VWA8: variants seen among roughly 807,000 people sequenced by gnomAD.
VWA8 encodes the protein von Willebrand factor A domain containing 8, also known as von Willebrand factor A domain-containing protein 8.
Under a neutral mutation model 241.5 loss-of-function variants are expected in VWA8, and 221 were observed. The observed-to-expected ratio is 0.91, with a 90% CI of 0.82 to 1.02. VWA8 has a LOEUF of 1.02. Ranked by LOEUF, VWA8 falls within the 50% of genes least tolerant of loss-of-function variation. The pLI, the probability that VWA8 is intolerant of heterozygous loss-of-function variation, is 0.00. For missense variants in VWA8, 2,322 were observed against 2,328.7 expected (o/e 1.00, Z 0.06); for synonymous variants, 852 against 827.1 (o/e 1.03, Z -0.52).
chr13:41,568,385 CCCT>C, intron 44 of VWA8, 80 bp from the exon 45 acceptor site: 1 of 1,119,736 alleles, frequency 8.9e-7, no homozygotes, highest in South Asian at 1.3e-5. Flanking sequence ...AACCACAGCC[CCCT>C]AATGGTTTCT....
rs1327652330 is a variant in VWA8, at chr13:41,671,109, G to T, written c.4448C>A (p.Thr1483Asn). 3 of 1,613,922 alleles carry T rather than the reference G, an allele frequency of 1.9e-6. No individual in the cohort carries two copies. Among genetic ancestry groups the T allele is most frequent in the Non-Finnish European group, 2.5e-6 (3 of 1,179,850 alleles). The change falls in exon 37 of 45, where the codon ACC becomes AAC. Residue 1483 changes from threonine (T) to asparagine (N), a missense_variant. By Grantham distance (65) the Thr-to-Asn change is moderately conservative. Coordinates refer to ENST00000379310, the MANE Select transcript of VWA8 (RefSeq NM_015058.2). Reference sequence around the variant, plus strand: ...CAGCAGTGCATCTGTGTCTGAAATGGTCGACAGCCATGTGGTATACGGCGA... The same window carrying T: ...CAGCAGTGCATCTGTGTCTGAAATGTTCGACAGCCATGTGGTATACGGCGA... The part of the protein sequence containing the change: ...SLSPYTTWLS[T>N]ISDTDALLAE...
At chr13:41,688,865 A>G (rs1408084920) in intron 34 of VWA8, among the ~76,000 whole-genome samples, 1 of 152,088 alleles carries the variant, frequency 6.6e-6, no homozygotes, top group Non-Finnish European at 1.5e-5. Context: ...AAAACTACCT[A>G]TCAGGTACTA....
intron 24 of VWA8, among the ~76,000 whole-genome samples, chr13:41,722,290 T>C (rs920991730): frequency 1.3e-5 from 2 of 152,148 alleles, no homozygotes; most frequent in African/African-American, 4.8e-5. Flanking sequence ...TCATCTGTAA[T>C]TTAGGGAAAT....
At chr13:41,847,898 T>C (rs954309285) in intron 12 of VWA8, among the ~76,000 whole-genome samples, 6 of 152,208 alleles carry the variant, frequency 3.9e-5, no homozygotes, top group Non-Finnish European at 8.8e-5. Flanking sequence ...TCTACAAATG[T>C]TCAAATGACA....
At chr13:41,589,537 G>T (rs573425313) in intron 41 of VWA8, among the ~76,000 whole-genome samples, 21 of 152,152 alleles carry the variant, frequency 1.4e-4, no homozygotes, top group African/African-American at 5.1e-4. Flanking sequence ...ATGGTGCTTG[G>T]ACATGCTGAA....
intron 14 of VWA8, among the ~76,000 whole-genome samples, chr13:41,820,491 C>T (rs1222776465): frequency 6.6e-6 from 1 of 152,144 alleles, no homozygotes; most frequent in African/African-American, 2.4e-5. Context: ...TTAAAGGCCA[C>T]ATCATCATTT....
rs148578928 is a variant in VWA8 at position 41,608,460 on chromosome 13, T to A, written c.4877+3116A>T. 3.3e-3 allele frequency among the ~76,000 whole-genome samples: 506 copies of A among 152,310 alleles called. 3 individuals are homozygous for A. Among genetic ancestry groups the A allele is most frequent in the African/African-American group, 0.012 (490 of 41,572 alleles). On this transcript the variant is annotated intron_variant, in intron 39 of 44. Coordinates refer to ENST00000379310, the MANE Select transcript of VWA8 (RefSeq NM_015058.2). Reference sequence around the variant, plus strand: ...ATCAAAACTGCAGGGCACAGCTGCTTCACATCCTAGTAATCTTTGTGGACT... The same window carrying A: ...ATCAAAACTGCAGGGCACAGCTGCTACACATCCTAGTAATCTTTGTGGACT...
chr13:41,664,899 T>G (rs1052482634), intron 37 of VWA8, among the ~76,000 whole-genome samples: 1 of 152,180 alleles, frequency 6.6e-6, no homozygotes, highest in Non-Finnish European at 1.5e-5. Flanking sequence ...GCATGTTTTT[T>G]GGTCTTGTTC....
intron 2 of VWA8, among the ~76,000 whole-genome samples, chr13:41,915,026 C>T (rs563117909): frequency 1.1e-4 from 17 of 152,238 alleles, no homozygotes; most frequent in Admixed American, 1.1e-3. Context: ...AAATGTGAGG[C>T]CTGCCCCTCA....
chr13:41,929,318 G>A (rs1036799193), intron 2 of VWA8, among the ~76,000 whole-genome samples: 1 of 151,950 alleles, frequency 6.6e-6, no homozygotes, highest in African/African-American at 2.4e-5. Context: ...ACCACATCCA[G>A]CTAATTAATT....
intron 37 of VWA8, among the ~76,000 whole-genome samples, chr13:41,651,892 G>A (rs1016283525): frequency 6.6e-6 from 1 of 152,172 alleles, no homozygotes; most frequent in Non-Finnish European, 1.5e-5. Flanking sequence ...CTCCACCCTG[G>A]TGTGAGAAAA....
chr13:41,572,521 T>C (rs922242893), intron 43 of VWA8, among the ~76,000 whole-genome samples: 4 of 152,206 alleles, frequency 2.6e-5, no homozygotes, highest in South Asian at 2.1e-4. Flanking sequence ...CTGAAACATG[T>C]GCTGTGTCCA....
At chr13:41,960,796 G>C in intron 1 of VWA8, 57 bp downstream of exon 1, 1 of 1,471,228 alleles carries the variant, frequency 6.8e-7, no homozygotes, top group East Asian at 2.8e-5. Flanking sequence ...GGGGCGCGCG[G>C]GGACCCGGCA....
At chr13:41,856,423 AT>A (rs943698421) in intron 12 of VWA8, among the ~76,000 whole-genome samples, 1 of 152,214 alleles carries the variant, frequency 6.6e-6, no homozygotes, top group African/African-American at 2.4e-5. Flanking sequence ...TATTCAAACT[AT>A]TTGGGGTACA....
At chr13:41,713,338 CCTCT>C (rs1199696196) in intron 26 of VWA8, among the ~76,000 whole-genome samples, 1 of 152,036 alleles carries the variant, frequency 6.6e-6, no homozygotes, top group Non-Finnish European at 1.5e-5. Context: ...CTTTCTAGGG[CCTCT>C]CTCAAAAACA....
At chr13:41,920,266 A>C (rs1026186843) in intron 2 of VWA8, among the ~76,000 whole-genome samples, 1 of 151,964 alleles carries the variant, frequency 6.6e-6, no homozygotes, top group African/African-American at 2.4e-5. Context: ...TGGGGCCTGA[A>C]CCTTTGAGGC....
intron 4 of VWA8, among the ~76,000 whole-genome samples, chr13:41,906,220 T>C (rs1220879916): frequency 6.6e-6 from 1 of 152,136 alleles, no homozygotes; most frequent in African/African-American, 2.4e-5. Flanking sequence ...TCAGTGATTT[T>C]TTACAATTAC....
chr13:41,660,403 A>C (rs1357955319), intron 37 of VWA8, among the ~76,000 whole-genome samples: 1 of 152,202 alleles, frequency 6.6e-6, no homozygotes, highest in Admixed American at 6.5e-5. Flanking sequence ...GGCATGAGCC[A>C]CCGTGCCTGG....
intron 21 of VWA8, among the ~76,000 whole-genome samples, chr13:41,748,190 T>C (rs1305255923): frequency 2.6e-5 from 4 of 152,232 alleles, no homozygotes; most frequent in Non-Finnish European, 5.9e-5. Context: ...CTCCTCCTTG[T>C]ACCTCTGGTA....
Sources: allele counts gnomAD v4.1 joint callset (sites outside exome capture counted in the v4.1 genomes callset), GRCh38; gene constraint gnomAD v4.1.1; transcripts MANE v1.5; gene names NCBI Gene and HGNC (gene_info 2026-07-23, HGNC 2026-07-21).